ROBO1: variants seen among roughly 807,000 people sequenced by gnomAD.
ROBO1 encodes the protein roundabout guidance receptor 1, also known as roundabout homolog 1.
ROBO1 carries 149 observed loss-of-function variants against 195.9 expected under a neutral mutation model. The ratio of observed to expected loss-of-function variants is 0.76; its 90% confidence interval spans 0.67 to 0.87. The LOEUF is 0.87. ROBO1 is among the 40% of genes least tolerant of loss of function. The probability of loss-of-function intolerance (pLI) is 0.00; values close to 1 mark genes in which losing one functional copy is unlikely to be tolerated. For missense variants in ROBO1, 1,933 were observed against 2,068.3 expected (o/e 0.93, Z 1.27); for synonymous variants, 816 against 733.2 (o/e 1.11, Z -1.82).
At chr3:79,591,324 A>G (rs571611010) in intron 1 of ROBO1, among the ~76,000 whole-genome samples, 1 of 151,908 alleles carries the variant, frequency 6.6e-6, no homozygotes, top group African/African-American at 2.4e-5. Context: ...AGCTGTCCTT[A>G]TTGTATGACT....
At chr3:79,694,158 ACT>A (rs1362511772) in intron 1 of ROBO1, among the ~76,000 whole-genome samples, 1 of 151,644 alleles carries the variant, frequency 6.6e-6, no homozygotes. Context: ...ACAACACAAC[ACT>A]CTGGAATGAT....
chr3:79,437,894 AC>A (rs2038937602), intron 2 of ROBO1, among the ~76,000 whole-genome samples: 2 of 151,926 alleles, frequency 1.3e-5, no homozygotes, highest in Admixed American at 1.3e-4. Context: ...TATAGATTAC[AC>A]TTCAATAAAA....
intron 2 of ROBO1, among the ~76,000 whole-genome samples, chr3:79,559,301 T>C (rs1181938420): frequency 1.3e-5 from 2 of 152,226 alleles, no homozygotes; most frequent in South Asian, 4.1e-4. Flanking sequence ...TTTGCTCAAG[T>C]AAACTCTGTT....
intron 3 of ROBO1, among the ~76,000 whole-genome samples, chr3:79,077,044 G>A (rs537741578): frequency 4.3e-4 from 65 of 151,972 alleles, no homozygotes; most frequent in African/African-American, 1.5e-3. Flanking sequence ...GTACAATGTG[G>A]TGACTTGGTA....
intron 3 of ROBO1, among the ~76,000 whole-genome samples, chr3:79,092,841 T>C: frequency 6.6e-6 from 1 of 152,170 alleles, no homozygotes; most frequent in Non-Finnish European, 1.5e-5. Context: ...CTCCTCTATC[T>C]GACCAGATTA....
Position 78,614,638 on chromosome 3 carries a change from A to G in ROBO1, c.4435+10T>C. On this transcript the variant is annotated intron_variant, in intron 28 of 30. Coordinates refer to ENST00000464233, the MANE Select transcript of ROBO1 (RefSeq NM_002941.4). Reference sequence around the variant, plus strand: ...TTCATAGACGTTTTCATCCGTGTCAATGGACTCACCATCTGTGTAGGTTTC... The same window carrying G: ...TTCATAGACGTTTTCATCCGTGTCAGTGGACTCACCATCTGTGTAGGTTTC... 1 of 1,613,266 alleles carries G rather than the reference A, an allele frequency of 6.2e-7. No homozygotes were observed. Among genetic ancestry groups the G allele is most frequent in the Non-Finnish European group, 8.5e-7 (1 of 1,179,470 alleles).
rs77510320 is a variant in ROBO1, at chr3:78,854,924, G to C, written c.499+83677C>G. On this transcript the variant is annotated intron_variant, in intron 4 of 30. Transcript: ENST00000464233. The stretch of plus-strand genomic sequence containing the variant: ...ACCAAAATTTATTTGTACTTCGATA[G>C]AATGATATAACCTATCTTAAAAAAC... 4.7e-4 allele frequency among the ~76,000 whole-genome samples: 71 copies of C among 152,214 alleles called. 2 individuals carry two copies. In the East Asian group the frequency reaches 0.013, roughly 28 times the overall value.
chr3:79,624,457 C>A (rs527308620), intron 1 of ROBO1, among the ~76,000 whole-genome samples: 4 of 151,976 alleles, frequency 2.6e-5, no homozygotes, highest in African/African-American at 9.7e-5. Context: ...AGACACACAA[C>A]TCACATGAAA....
chr3:79,678,865 T>G (rs1946860781), intron 1 of ROBO1, among the ~76,000 whole-genome samples: 1 of 152,112 alleles, frequency 6.6e-6, no homozygotes, highest in African/African-American at 2.4e-5. Context: ...GCTTTGATGA[T>G]CATATTTGAT....
intron 3 of ROBO1, among the ~76,000 whole-genome samples, chr3:79,032,766 A>T (rs749332721): frequency 1.3e-5 from 2 of 152,092 alleles, no homozygotes; most frequent in Non-Finnish European, 2.9e-5. Context: ...GGGTGCACAT[A>T]CACATACACA....
intron 1 of ROBO1, among the ~76,000 whole-genome samples, chr3:79,618,576 C>G (rs1017207485): frequency 1.3e-5 from 2 of 152,140 alleles, no homozygotes; most frequent in Non-Finnish European, 2.9e-5. Context: ...TAATTTTCCA[C>G]TACTTACCCA....
At chr3:78,964,214 C>T (rs944730094) in intron 3 of ROBO1, among the ~76,000 whole-genome samples, 4 of 152,154 alleles carry the variant, frequency 2.6e-5, no homozygotes, top group Non-Finnish European at 5.9e-5. Context: ...TTAGGGCCCA[C>T]CCTAATGACC....
rs571807573 is a variant in ROBO1, at chr3:78,785,520, C to G, written c.500-38620G>C. 3.3e-5 allele frequency among the ~76,000 whole-genome samples: 5 copies of G among 152,270 alleles called. No homozygotes were observed. In the South Asian group the frequency reaches 1.0e-3, roughly 32 times the overall value. ...TACTGTTTTTGTCTTCTTATTCCTA[C>G]TACTACTCATACATACCTGTCTTGT... On this transcript the variant is annotated intron_variant, in intron 4 of 30. Coordinates refer to ENST00000464233, the MANE Select transcript of ROBO1 (RefSeq NM_002941.4).
intron 5 of ROBO1, among the ~76,000 whole-genome samples, chr3:78,734,551 A>G (rs533124996): frequency 5.9e-5 from 9 of 151,752 alleles, no homozygotes; most frequent in African/African-American, 2.2e-4. Flanking sequence ...ACAGAGAGAT[A>G]CCCTGTCTCA....
intron 2 of ROBO1, among the ~76,000 whole-genome samples, chr3:79,197,198 C>G (rs929066080): frequency 4.0e-5 from 6 of 151,894 alleles, no homozygotes; most frequent in Non-Finnish European, 8.8e-5. Flanking sequence ...CAGCACCCCA[C>G]CCCTGATAGA....
intron 2 of ROBO1, among the ~76,000 whole-genome samples, chr3:79,172,644 C>A (rs1437515567): frequency 6.6e-6 from 1 of 151,600 alleles, no homozygotes; most frequent in South Asian, 2.1e-4. Flanking sequence ...GTGTGTATAC[C>A]ATTATTTTCA....
chr3:79,367,526 A>T (rs1476526726), intron 2 of ROBO1, among the ~76,000 whole-genome samples: 1 of 152,220 alleles, frequency 6.6e-6, no homozygotes, highest in Non-Finnish European at 1.5e-5. Flanking sequence ...TCCCCCACAC[A>T]GTTTGCCTGA....
chr3:78,814,443 C>T (rs1422153058), intron 4 of ROBO1, among the ~76,000 whole-genome samples: 6 of 152,030 alleles, frequency 3.9e-5, no homozygotes, highest in Non-Finnish European at 7.4e-5. Context: ...TCAATCCACA[C>T]TAGCCCCATT....
At chr3:78,778,453 A>G (rs2083570953) in intron 4 of ROBO1, among the ~76,000 whole-genome samples, 1 of 152,122 alleles carries the variant, frequency 6.6e-6, no homozygotes, top group South Asian at 2.1e-4. Flanking sequence ...AACAAAAATC[A>G]CAAGCATTCC....
Sources: allele counts gnomAD v4.1 joint callset (sites outside exome capture counted in the v4.1 genomes callset), GRCh38; gene constraint gnomAD v4.1.1; transcripts MANE v1.5; gene names NCBI Gene and HGNC (gene_info 2026-07-23, HGNC 2026-07-21).